The following GABRA3 variants were observed in gnomAD, a reference collection of about 807,000 sequenced individuals.
GABRA3 encodes gamma-aminobutyric acid receptor subunit alpha-3.
In GABRA3, 10 loss-of-function variants were observed where a neutral mutation model predicts 30.1. That is an observed-to-expected ratio of 0.33 (90% CI 0.20 to 0.56). The LOEUF is 0.56. GABRA3 is among the 20% of genes least tolerant of loss of function. GABRA3 has a pLI of 0.89. For synonymous variants in GABRA3, 151 were observed against 146.8 expected, an observed-to-expected ratio of 1.03 and a Z score of -0.21; for missense variants, 233 against 392.0, an observed-to-expected ratio of 0.59 and a Z score of 3.42.
In GABRA3 at chrX:152,167,945, A is replaced by C. The variant is rs147516482; in HGVS notation, c.*283T>G. On this transcript the variant is annotated 3_prime_UTR_variant, in exon 10 of 10. Transcript: ENST00000370314. Reference sequence around the variant, plus strand: ...CAGCGGGCAGAGTGCAATAAAATACATGCAGTGCCCTCAGCTAGGGGAGAT... The same window carrying C: ...CAGCGGGCAGAGTGCAATAAAATACCTGCAGTGCCCTCAGCTAGGGGAGAT... 1.0e-3 allele frequency: 366 copies of C among 358,330 alleles called. 2 individuals are homozygous for C. The highest frequency in any genetic ancestry group is 8.8e-3 in the African/African-American group (346 of 39,161). 29.5% of individuals were successfully genotyped at this position (358,330 alleles called of 1,213,427 possible).
intron 3 of GABRA3, among the ~76,000 whole-genome samples, chrX:152,335,424 G>A (rs1379842908): frequency 9.0e-6 from 1 of 111,418 alleles, no homozygotes; most frequent in Non-Finnish European, 1.9e-5. Flanking sequence ...TCAAAAACAA[G>A]GGAGACTGTA....
intron 9 of GABRA3, among the ~76,000 whole-genome samples, chrX:152,181,244 T>C (rs751771518): frequency 2.7e-5 from 3 of 111,927 alleles, no homozygotes; most frequent in South Asian, 7.3e-4. Flanking sequence ...TACTAGTCTG[T>C]TATCCTCTTG....
chrX:152,412,594 G>T (rs1263461131), intron 1 of GABRA3, among the ~76,000 whole-genome samples: 1 of 111,751 alleles, frequency 8.9e-6, no homozygotes, highest in African/African-American at 3.2e-5. Flanking sequence ...TTAAGTGAAA[G>T]AAAATGGACA....
chrX:152,356,800 G>A (rs750646945), intron 2 of GABRA3, among the ~76,000 whole-genome samples: 2 of 111,494 alleles, frequency 1.8e-5, no homozygotes, highest in South Asian at 7.6e-4. Context: ...GTGTCCATGT[G>A]TACTCAATGT....
At chrX:152,322,844 C>CTTTT (rs1172827692) in intron 3 of GABRA3, among the ~76,000 whole-genome samples, 3 of 61,281 alleles carry the variant, frequency 4.9e-5, no homozygotes, top group Non-Finnish European at 8.8e-5. Context: ...AAAGTCTACT[C>CTTTT]TTTTTTTTTT....
chrX:152,299,443 G>A (rs2124451849), intron 3 of GABRA3, among the ~76,000 whole-genome samples: 1 of 110,933 alleles, frequency 9.0e-6, no homozygotes, highest in Non-Finnish European at 1.9e-5. Context: ...CGGGGAAGCA[G>A]GGGGAAGGTA....
rs760052475 is a variant in GABRA3 at position 152,381,642 on chromosome X, GCAC to G, written c.-26-17049_-26-17047del. Among the ~76,000 whole-genome samples, 465 of 110,705 alleles carry G rather than the reference GCAC, an allele frequency of 4.2e-3. 1 individual carries two copies. The highest frequency in any genetic ancestry group is 0.014 in the African/African-American group (419 of 30,396). On this transcript the variant is annotated intron_variant, in intron 1 of 9. Transcript: ENST00000370314. ...TACATAGGTGCCATGGTGGTTTGCT[GCAC>G]CCATCAAACTGTCATCTACATTAGG...
chrX:152,294,520 C>T (rs770751033), intron 3 of GABRA3, among the ~76,000 whole-genome samples: 1 of 111,281 alleles, frequency 9.0e-6, no homozygotes, highest in Non-Finnish European at 1.9e-5. Context: ...TCTAGTTAGC[C>T]ATTCATCTAA....
At chrX:152,179,145 T>A (rs542681200) in intron 9 of GABRA3, among the ~76,000 whole-genome samples, 1 of 112,036 alleles carries the variant, frequency 8.9e-6, no homozygotes, top group Admixed American at 9.5e-5. Context: ...TCACTTTTTA[T>A]AATTTTTATT....
chrX:152,242,397 A>G (rs1008193012), intron 5 of GABRA3, among the ~76,000 whole-genome samples: 7 of 112,267 alleles, frequency 6.2e-5, no homozygotes, highest in Non-Finnish European at 9.4e-5. Context: ...AGGCAACAAA[A>G]GCAGAAATAG....
intron 6 of GABRA3, among the ~76,000 whole-genome samples, chrX:152,211,154 G>C (rs1937625484): frequency 1.8e-5 from 2 of 110,396 alleles, no homozygotes; most frequent in African/African-American, 6.6e-5. Context: ...ATCTACCCAA[G>C]ATTTTGGCAG....
At chrX:152,281,096 C>G (rs1214699792) in intron 4 of GABRA3, among the ~76,000 whole-genome samples, 1 of 110,830 alleles carries the variant, frequency 9.0e-6, no homozygotes, top group African/African-American at 3.3e-5. Context: ...GGAATTTGGA[C>G]CAGATAGAAG....
At chrX:152,404,607 C>T (rs1339259244) in intron 1 of GABRA3, among the ~76,000 whole-genome samples, 1 of 110,264 alleles carries the variant, frequency 9.1e-6, no homozygotes, top group Non-Finnish European at 1.9e-5. Flanking sequence ...TCAACTCCAT[C>T]CAGCAGTACA....
chrX:152,310,457 T>A (rs1939781840), intron 3 of GABRA3, among the ~76,000 whole-genome samples: 1 of 111,704 alleles, frequency 9.0e-6, no homozygotes, highest in Admixed American at 9.5e-5. Context: ...GCAATAAAAA[T>A]AGAAATCAAT....
intron 8 of GABRA3, among the ~76,000 whole-genome samples, chrX:152,192,571 C>T (rs1247676048): frequency 9.0e-6 from 1 of 110,834 alleles, no homozygotes; most frequent in African/African-American, 3.3e-5. Flanking sequence ...TTCTTTTCTC[C>T]AACACTGCTA....
intron 1 of GABRA3, among the ~76,000 whole-genome samples, chrX:152,420,784 T>C (rs765179680): frequency 1.8e-5 from 2 of 111,052 alleles, no homozygotes; most frequent in Non-Finnish European, 3.8e-5. Context: ...CTACCACACA[T>C]CATACAAATA....
intron 4 of GABRA3, among the ~76,000 whole-genome samples, chrX:152,257,781 A>C (rs1412192850): frequency 8.9e-6 from 1 of 112,422 alleles, no homozygotes; most frequent in Non-Finnish European, 1.9e-5. Flanking sequence ...ATCACAACAC[A>C]AAAGTTCAAA....
intron 3 of GABRA3, 58 bp downstream of exon 3, chrX:152,345,523 A>G: frequency 2.6e-6 from 3 of 1,157,162 alleles, no homozygotes; most frequent in African/African-American, 1.8e-5. Flanking sequence ...CTGTTTTTAG[A>G]TAACAATGGC....
chrX:152,327,805 G>A (rs1181049806), intron 3 of GABRA3, among the ~76,000 whole-genome samples: 9 of 110,719 alleles, frequency 8.1e-5, no homozygotes, highest in Non-Finnish European at 1.5e-4. Context: ...GAGAAGTAAG[G>A]GCAAACACAT....
Sources: allele counts gnomAD v4.1 joint callset (sites outside exome capture counted in the v4.1 genomes callset), GRCh38; gene constraint gnomAD v4.1.1; transcripts MANE v1.5; gene names NCBI Gene and HGNC (gene_info 2026-07-23, HGNC 2026-07-21).